RGS7: variants seen among roughly 807,000 people sequenced by gnomAD.
The protein encoded by RGS7 is regulator of G protein signaling 7.
RGS7 carries 27 observed loss-of-function variants against 81.1 expected under a neutral mutation model. That is an observed-to-expected ratio of 0.33 (90% CI 0.25 to 0.46). The LOEUF (loss-of-function observed/expected upper bound fraction) is 0.46, where lower values mean the gene tolerates loss of function less well. Ranked by LOEUF, RGS7 falls within the 20% of genes least tolerant of loss-of-function variation. The probability of loss-of-function intolerance (pLI) is 1.00; values close to 1 mark genes in which losing one functional copy is unlikely to be tolerated. For synonymous variants in RGS7, 208 were observed against 207.7 expected (o/e 1.00, Z -0.01); for missense variants, 396 against 607.4 (o/e 0.65, Z 3.66).
chr1:241,277,847 C>T (rs1271256633), intron 2 of RGS7, among the ~76,000 whole-genome samples: 1 of 152,134 alleles, frequency 6.6e-6, no homozygotes, highest in Non-Finnish European at 1.5e-5. Context: ...CTGAAAGAGA[C>T]TTAGTCATTT....
intron 2 of RGS7, among the ~76,000 whole-genome samples, chr1:241,187,159 A>C (rs1481053231): frequency 2.6e-5 from 4 of 152,164 alleles, no homozygotes; most frequent in African/African-American, 9.6e-5. Context: ...AAGGCAAAAA[A>C]GGAAAGGCAG....
At chr1:241,023,785 G>A (rs987323870) in intron 3 of RGS7, among the ~76,000 whole-genome samples, 38 of 152,148 alleles carry the variant, frequency 2.5e-4, no homozygotes, top group Admixed American at 2.4e-3. Flanking sequence ...CACTCTTGTT[G>A]CCCAGGCTGC....
At chr1:241,228,493 G>A (rs376490060) in intron 2 of RGS7, among the ~76,000 whole-genome samples, 10 of 152,240 alleles carry the variant, frequency 6.6e-5, no homozygotes, top group African/African-American at 7.2e-5. Flanking sequence ...CATTGAGCCC[G>A]CTGAACAGAT....
chr1:241,175,610 T>C (rs1194719111), intron 2 of RGS7, among the ~76,000 whole-genome samples: 3 of 152,062 alleles, frequency 2.0e-5, no homozygotes, highest in East Asian at 1.9e-4. Context: ...ATAAATACCA[T>C]AAGAGGGCAC....
intron 2 of RGS7, among the ~76,000 whole-genome samples, chr1:241,338,148 T>C (rs532281778): frequency 2.0e-5 from 3 of 152,178 alleles, no homozygotes; most frequent in Non-Finnish European, 2.9e-5. Flanking sequence ...TGCCACAAAT[T>C]GATGTGCTTA....
intron 3 of RGS7, among the ~76,000 whole-genome samples, chr1:241,061,600 G>C (rs1174533833): frequency 6.6e-6 from 1 of 152,180 alleles, no homozygotes. Flanking sequence ...TAGGGTGCTT[G>C]GGAGCACGCA....
intron 18 of RGS7, among the ~76,000 whole-genome samples, chr1:240,783,226 A>C (rs939189624): frequency 6.6e-6 from 1 of 152,184 alleles, no homozygotes; most frequent in South Asian, 2.1e-4. Flanking sequence ...ATTTTGTTAT[A>C]ATTAGGGACA....
chr1:240,781,034 A>T (rs1270171498), intron 18 of RGS7, among the ~76,000 whole-genome samples: 2 of 99,594 alleles, frequency 2.0e-5, no homozygotes, highest in South Asian at 2.8e-4. Flanking sequence ...TCAATTTATA[A>T]AAAAAAAAAA....
intron 2 of RGS7, among the ~76,000 whole-genome samples, chr1:241,190,011 G>A (rs1016039100): frequency 6.6e-6 from 1 of 152,106 alleles, no homozygotes; most frequent in Non-Finnish European, 1.5e-5. Context: ...GCTGAGGCAG[G>A]AGAATGGCGT....
intron 3 of RGS7, among the ~76,000 whole-genome samples, chr1:241,074,819 G>A (rs1037493723): frequency 6.6e-6 from 1 of 152,204 alleles, no homozygotes; most frequent in Non-Finnish European, 1.5e-5. Flanking sequence ...AGGCTTTTAA[G>A]CCAGTATATG....
intron 2 of RGS7, among the ~76,000 whole-genome samples, chr1:241,309,929 T>C (rs2080407261): frequency 6.6e-6 from 1 of 152,186 alleles, no homozygotes; most frequent in Non-Finnish European, 1.5e-5. Flanking sequence ...CCTTTTAATT[T>C]CATGTAAAAG....
chr1:241,313,966 T>C (rs992825230), intron 2 of RGS7, among the ~76,000 whole-genome samples: 24 of 152,168 alleles, frequency 1.6e-4, no homozygotes, highest in Non-Finnish European at 8.8e-5. Flanking sequence ...GTGACTAAAT[T>C]GTTGTAATCT....
intron 6 of RGS7, among the ~76,000 whole-genome samples, chr1:240,885,087 A>G (rs1432622760): frequency 1.3e-5 from 2 of 152,254 alleles, no homozygotes; most frequent in Non-Finnish European, 2.9e-5. Context: ...AAAGTGGGCA[A>G]AGGACATGAA....
At chr1:241,165,949 G>T (rs983765356) in intron 2 of RGS7, among the ~76,000 whole-genome samples, 1 of 152,016 alleles carries the variant, frequency 6.6e-6, no homozygotes, top group Non-Finnish European at 1.5e-5. Flanking sequence ...ACACAAATTC[G>T]TAGGCCCCGC....
chr1:241,115,174 G>C (rs73127586), intron 2 of RGS7, among the ~76,000 whole-genome samples: 3,791 of 152,130 alleles, frequency 0.025, 150 homozygotes, highest in African/African-American at 0.086. Flanking sequence ...TTTTACTTCT[G>C]AGCACTGACC....
chr1:240,969,373 C>T (rs531582650), intron 4 of RGS7, among the ~76,000 whole-genome samples: 3 of 152,280 alleles, frequency 2.0e-5, no homozygotes, highest in East Asian at 1.9e-4. Flanking sequence ...AATTGTGCAT[C>T]GTCCATTTGG....
intron 9 of RGS7, among the ~76,000 whole-genome samples, chr1:240,850,295 G>C (rs932021298): frequency 6.6e-6 from 1 of 152,110 alleles, no homozygotes; most frequent in Non-Finnish European, 1.5e-5. Context: ...TTGTATCCTT[G>C]AGTCAGATTT....
intron 3 of RGS7, among the ~76,000 whole-genome samples, chr1:241,075,422 G>C (rs989491204): frequency 1.3e-5 from 2 of 152,230 alleles, no homozygotes; most frequent in South Asian, 2.1e-4. Context: ...AGGAGAAAAA[G>C]AGAGAGAAAG....
intron 2 of RGS7, among the ~76,000 whole-genome samples, chr1:241,276,009 G>A (rs549236232): frequency 1.4e-4 from 21 of 152,344 alleles, no homozygotes; most frequent in African/African-American, 4.8e-4. Context: ...AATCACAGCT[G>A]TAAAGTGCCA....
Sources: allele counts gnomAD v4.1 joint callset (sites outside exome capture counted in the v4.1 genomes callset), GRCh38; gene constraint gnomAD v4.1.1; transcripts MANE v1.5; gene names NCBI Gene and HGNC (gene_info 2026-07-23, HGNC 2026-07-21).